The following MAN2A1 variants were observed in gnomAD, a reference collection of about 807,000 sequenced individuals.
MAN2A1 encodes the protein alpha-mannosidase 2.
Under a neutral mutation model 142.6 loss-of-function variants are expected in MAN2A1, and 76 were observed. The ratio of observed to expected loss-of-function variants is 0.53; its 90% confidence interval spans 0.44 to 0.65. The LOEUF is 0.65. Ranked by LOEUF, MAN2A1 falls within the 30% of genes least tolerant of loss-of-function variation. MAN2A1 has a pLI of 0.00. For missense variants in MAN2A1, 1,311 were observed against 1,365.1 expected (o/e 0.96, Z 0.62); for synonymous variants, 559 against 473.2 (o/e 1.18, Z -2.35).
chr5:109,865,792 G>C (rs1373381966), intron 21 of MAN2A1, among the ~76,000 whole-genome samples: 1 of 152,088 alleles, frequency 6.6e-6, no homozygotes, highest in Non-Finnish European at 1.5e-5. Flanking sequence ...TCTTCAAGTT[G>C]GTCTTTCTGG....
intron 4 of MAN2A1, among the ~76,000 whole-genome samples, chr5:109,748,338 A>G (rs1386901323): frequency 6.6e-6 from 1 of 151,042 alleles, no homozygotes; most frequent in Non-Finnish European, 1.5e-5. Context: ...TATGAGTGAG[A>G]TTAAATTTCT....
At chr5:109,754,869 C>T (rs1156542337) in intron 4 of MAN2A1, among the ~76,000 whole-genome samples, 3 of 152,188 alleles carry the variant, frequency 2.0e-5, no homozygotes, top group South Asian at 2.1e-4. Flanking sequence ...GGCATGGTGG[C>T]GCATGCCTGT....
intron 3 of MAN2A1, among the ~76,000 whole-genome samples, chr5:109,717,364 G>A (rs1751485466): frequency 6.6e-6 from 1 of 152,078 alleles, no homozygotes; most frequent in Non-Finnish European, 1.5e-5. Context: ...GCTGCTTTTG[G>A]ATGTGAGAGG....
intron 16 of MAN2A1, among the ~76,000 whole-genome samples, chr5:109,833,671 A>G (rs1754988268): frequency 1.0e-5 from 1 of 99,804 alleles, no homozygotes; most frequent in Admixed American, 1.3e-4. Flanking sequence ...AGAGAGAGGG[A>G]GAGGGAGAGG....
chr5:109,866,924 C>A lies in MAN2A1; in HGVS notation c.3361C>A (p.Pro1121Thr), dbSNP rs755796118. The change falls in exon 22 of 22, where the codon CCC becomes ACC. Residue 1121 changes from proline (P) to threonine (T), a missense_variant. Pro to Thr is a conservative substitution (Grantham distance 38, BLOSUM62 -1). Coordinates refer to ENST00000261483, the MANE Select transcript of MAN2A1 (RefSeq NM_002372.4). ...ATCACTATCCTTGATGCATTCACCT[C>A]CCGGCACTCAGAATATAAGTGAGAT... ...PSSLSLMHSP[P>T]GTQNISEINL... The A allele has an allele frequency of 6.2e-7, 1 of 1,612,938 alleles. No individual in the cohort carries two copies. The highest frequency in any genetic ancestry group is 2.2e-5 in the East Asian group (1 of 44,806).
At chr5:109,862,026 A>C (rs1755771808) in intron 20 of MAN2A1, among the ~76,000 whole-genome samples, 1 of 152,190 alleles carries the variant, frequency 6.6e-6, no homozygotes, top group African/African-American at 2.4e-5. Context: ...GTGCGATAAA[A>C]TGAGTTAATT....
chr5:109,807,758 A>G (rs890596999), intron 12 of MAN2A1, among the ~76,000 whole-genome samples: 1 of 152,136 alleles, frequency 6.6e-6, no homozygotes, highest in Non-Finnish European at 1.5e-5. Flanking sequence ...TTCATAGGTT[A>G]TGGAATTAGG....
rs758664411 is a variant in MAN2A1 at position 109,865,055 on chromosome 5, A to G, written c.3191A>G (p.Asn1064Ser). The change falls in exon 21 of 22, where the codon AAT (asparagine) becomes AGT (serine). Residue 1064 changes from asparagine to serine, a missense_variant. By Grantham distance (46) the Asn-to-Ser change is conservative. This residue lies in a region of MAN2A1 where 890 missense variants were observed against 920.5 expected (regional missense o/e 0.97). Coordinates refer to ENST00000261483, the MANE Select transcript of MAN2A1 (RefSeq NM_002372.4). Reference protein sequence around the residue: ...IQSKVGNGHSNEAALILHRKG... With the variant: ...IQSKVGNGHSSEAALILHRKG... The stretch of plus-strand genomic sequence containing the variant: ...TTGCAGGTGGGCAATGGGCACTCCA[A>G]TGAGGCAGCCTTGATCCTCCACAGA... The G allele has an allele frequency of 2.1e-5, 34 of 1,613,984 alleles. No homozygotes were observed. Among genetic ancestry groups the G allele is most frequent in the East Asian group, 1.3e-4 (6 of 44,874 alleles).
At chr5:109,840,007 C>T (rs1480771907) in intron 16 of MAN2A1, 1 of 153,128 alleles carries the variant, frequency 6.5e-6, no homozygotes, top group Non-Finnish European at 1.4e-5. Flanking sequence ...TGCTAGGAGG[C>T]TTCAGCAATA....
intron 1 of MAN2A1, among the ~76,000 whole-genome samples, chr5:109,690,808 C>T (rs927028921): frequency 7.9e-5 from 12 of 152,134 alleles, no homozygotes; most frequent in African/African-American, 2.9e-4. Flanking sequence ...GGCCATGTTC[C>T]GGCATTCGCA....
intron 4 of MAN2A1, among the ~76,000 whole-genome samples, chr5:109,746,216 C>T (rs1281204827): frequency 6.6e-6 from 1 of 152,214 alleles, no homozygotes; most frequent in African/African-American, 2.4e-5. Flanking sequence ...CTCAAGTGAT[C>T]TGGCAGCCTT....
chr5:109,704,152 G>A (rs1007466859), intron 1 of MAN2A1, among the ~76,000 whole-genome samples: 1 of 152,190 alleles, frequency 6.6e-6, no homozygotes. Flanking sequence ...AGTCCCTTGA[G>A]TGCTCTGCCA....
chr5:109,705,536 T>C (rs1751106510), intron 1 of MAN2A1, among the ~76,000 whole-genome samples: 4 of 152,154 alleles, frequency 2.6e-5, no homozygotes, highest in Non-Finnish European at 5.9e-5. Context: ...TGATGGAGAT[T>C]TGGGCAAGAA....
At chr5:109,719,950 A>G (rs1751555787) in intron 3 of MAN2A1, among the ~76,000 whole-genome samples, 1 of 152,194 alleles carries the variant, frequency 6.6e-6, no homozygotes, top group African/African-American at 2.4e-5. Context: ...AATGCTGATA[A>G]CTTTGTACTG....
chr5:109,758,374 T>A (rs752164500), intron 5 of MAN2A1, among the ~76,000 whole-genome samples: 17 of 151,980 alleles, frequency 1.1e-4, no homozygotes, highest in African/African-American at 1.7e-4. Context: ...GTAGAGTTAT[T>A]TATCTTTTTA....
chr5:109,867,037 T>C lies in MAN2A1; in HGVS notation c.*39T>C. On this transcript the variant is annotated 3_prime_UTR_variant, in exon 22 of 22. Coordinates refer to ENST00000261483, the MANE Select transcript of MAN2A1 (RefSeq NM_002372.4). ...ATTTGGATTGAGAATCATTGGCTTT[T>C]ATACCTTTCTTGGTTTGACGTGCAA... is the stretch of plus-strand genomic sequence containing the variant. The C allele has an allele frequency of 6.4e-7, 1 of 1,573,320 alleles. No homozygotes were observed. Among genetic ancestry groups the C allele is most frequent in the South Asian group, 1.2e-5 (1 of 84,418 alleles).
At chr5:109,738,002 G>A (rs1424683682) in intron 4 of MAN2A1, among the ~76,000 whole-genome samples, 1 of 152,158 alleles carries the variant, frequency 6.6e-6, no homozygotes, top group African/African-American at 2.4e-5. Flanking sequence ...GTGTGTGCGT[G>A]TGCTTTGTGC....
At position 109,770,367 on chromosome 5, in the gene MAN2A1, T is replaced by C; in HGVS notation, c.1022T>C (p.Val341Ala). The change falls in exon 7 of 22, where the codon GTC becomes GCC. Residue 341 changes from valine to alanine, a missense_variant. Val to Ala is a moderately conservative substitution (Grantham distance 64). Transcript: ENST00000261483. ...FWRQNWDLGS[V>A]TDILCHMMPF... ...CTCTTTATTTTAGATCTGGGATCTG[T>C]CACAGATATTTTATGCCACATGATG... is the stretch of plus-strand genomic sequence containing the variant. The C allele has an allele frequency of 6.2e-7, 1 of 1,613,490 alleles. No homozygotes were observed. The highest frequency in any genetic ancestry group is 8.5e-7 in the Non-Finnish European group (1 of 1,179,640).
In MAN2A1 at chr5:109,697,818, GACAA is replaced by G. The variant is rs566119883; in HGVS notation, c.135+7272_135+7275del. 2.5e-4 allele frequency among the ~76,000 whole-genome samples: 38 copies of G among 152,340 alleles called. 1 individual carries two copies. In the South Asian group the frequency reaches 6.2e-3, roughly 25 times the overall value. On this transcript the variant is annotated intron_variant, in intron 1 of 21. Transcript: ENST00000261483. Reference sequence around the variant, plus strand: ...TTAAAGTAGATGTGAGTTAATTAAAGACAAACAAAATTCTCGTAAATTGGTTATT... The same window carrying G: ...TTAAAGTAGATGTGAGTTAATTAAAGACAAAATTCTCGTAAATTGGTTATT...
Sources: allele counts gnomAD v4.1 joint callset (sites outside exome capture counted in the v4.1 genomes callset), GRCh38; gene constraint gnomAD v4.1.1; regional missense constraint gnomAD v4.1.1; transcripts MANE v1.5; gene names NCBI Gene and HGNC (gene_info 2026-07-23, HGNC 2026-07-21).